DCAF6: variants seen among roughly 807,000 people sequenced by gnomAD.
DCAF6 encodes the protein DDB1- and CUL4-associated factor 6.
A neutral mutation model predicts 125.1 loss-of-function variants in DCAF6; 54 were observed. That is an observed-to-expected ratio of 0.43 (90% CI 0.35 to 0.54). The LOEUF (loss-of-function observed/expected upper bound fraction) is 0.54. Among genes scored for constraint, DCAF6 ranks in the 20% least tolerant of loss-of-function variants. The pLI is 0.01. For synonymous variants in DCAF6, 371 were observed against 390.4 expected (o/e 0.95, Z 0.58); for missense variants, 934 against 1,161.7 (o/e 0.80, Z 2.85).
At chr1:167,925,873 A>G in the DCAF6 span, among the ~76,000 whole-genome samples, 1 of 152,232 alleles carries the variant, frequency 6.6e-6, no homozygotes, top group East Asian at 1.9e-4. Context: ...GTACTTTAAA[A>G]TCATAAGTTG....
intron 11 of DCAF6, among the ~76,000 whole-genome samples, chr1:168,019,354 G>A (rs1261341941): frequency 1.3e-5 from 2 of 152,104 alleles, no homozygotes; most frequent in African/African-American, 4.8e-5. Flanking sequence ...AGCCAATAAT[G>A]TACTATCTTA....
intron 13 of DCAF6, among the ~76,000 whole-genome samples, chr1:168,041,892 GCGCACA>G (rs138674790): frequency 0.047 from 5,678 of 119,722 alleles, 296 homozygotes; most frequent in African/African-American, 0.11. Flanking sequence ...CATGTTTGTC[GCGCACA>G]CACACACACA....
chr1:167,961,641 T>C (rs935061630), intron 2 of DCAF6, among the ~76,000 whole-genome samples: 1 of 152,228 alleles, frequency 6.6e-6, no homozygotes, highest in Non-Finnish European at 1.5e-5. Context: ...TCCTTTGCTT[T>C]TCCTTCCTTT....
chr1:167,923,470 A>T, the DCAF6 span, among the ~76,000 whole-genome samples: 6 of 152,274 alleles, frequency 3.9e-5, no homozygotes, highest in Middle Eastern at 3.4e-3. Context: ...TTTTGATTCC[A>T]TTTACATGAG....
intron 16 of DCAF6, among the ~76,000 whole-genome samples, chr1:168,047,924 T>TA (rs1489512845): frequency 1.3e-5 from 2 of 152,136 alleles, no homozygotes; most frequent in African/African-American, 4.8e-5. Flanking sequence ...TGAACAACTG[T>TA]AAAAAAGTAT....
Position 168,043,141 on chromosome 1 carries a change from G to A in DCAF6, c.1843+1G>A. The A allele has an allele frequency of 6.2e-7, 1 of 1,608,070 alleles. No individual in the cohort carries two copies. Among genetic ancestry groups the A allele is most frequent in the Non-Finnish European group, 8.5e-7 (1 of 1,175,508 alleles). On this transcript the variant is annotated splice_donor_variant, in intron 14 of 21. Transcript: ENST00000367840. LOFTEE classifies it high-confidence loss of function. ...CCACCAGAAGGAGACAGTGAAACAA[G>A]TAAGGTGTTATTTTGCTTTTGTTGT...
chr1:168,045,137 C>G lies in DCAF6; in HGVS notation c.2168C>G (p.Thr723Ser). The G allele has an allele frequency of 6.2e-7, 1 of 1,613,994 alleles. No homozygotes were observed. The highest frequency in any genetic ancestry group is 8.5e-7 in the Non-Finnish European group (1 of 1,179,930). Residue 723 changes from threonine to serine, a missense_variant, in exon 16 of 22, where the codon ACC (threonine) becomes AGC (serine). Thr to Ser is a moderately conservative substitution (Grantham distance 58). Around this residue, in one of 5 missense-constraint regions of DCAF6, gnomAD observed 559 missense variants for 635.5 expected, o/e 0.88. Coordinates refer to ENST00000367840, the MANE Select transcript of DCAF6 (RefSeq NM_001198956.2). ...TGPSAHEETS[T>S]RDSALQDTDD... ...CCTTCAGCTCATGAAGAAACATCCA[C>G]CAGGGACTCTGCTCTTCAGGACACA...
chr1:168,009,391 CTTTCTTT>C, intron 10 of DCAF6, among the ~76,000 whole-genome samples: 1 of 136,962 alleles, frequency 7.3e-6, no homozygotes, highest in East Asian at 2.4e-4. Flanking sequence ...TCCTTCCTTT[CTTTCTTT>C]CTTTCTCTCT....
At chr1:167,998,355 C>T (rs938671002) in intron 7 of DCAF6, among the ~76,000 whole-genome samples, 1 of 152,074 alleles carries the variant, frequency 6.6e-6, no homozygotes, top group Non-Finnish European at 1.5e-5. Context: ...AGGGGCTTAC[C>T]TTAATGTTGA....
At chr1:168,049,980 A>C (rs1361946099) in intron 16 of DCAF6, among the ~76,000 whole-genome samples, 1 of 148,842 alleles carries the variant, frequency 6.7e-6, no homozygotes. Flanking sequence ...TTTTTTTACA[A>C]TGCCAAATCT....
intron 7 of DCAF6, among the ~76,000 whole-genome samples, chr1:167,995,975 CTT>C (rs1396369402): frequency 6.6e-6 from 1 of 152,070 alleles, no homozygotes; most frequent in Non-Finnish European, 1.5e-5. Flanking sequence ...ATATGTAAAA[CTT>C]AATATAGAAT....
chr1:168,037,780 A>T (rs549842322), intron 12 of DCAF6, among the ~76,000 whole-genome samples: 1 of 152,362 alleles, frequency 6.6e-6, no homozygotes, highest in South Asian at 2.1e-4. Flanking sequence ...ATATACCAAA[A>T]TATAACAAAG....
the DCAF6 span, among the ~76,000 whole-genome samples, chr1:167,891,779 C>T: frequency 6.6e-6 from 1 of 151,974 alleles, no homozygotes; most frequent in East Asian, 1.9e-4. Context: ...ACTTTCTCCC[C>T]GAAATAGCAC....
At chr1:167,977,213 T>G (rs1475080695) in intron 4 of DCAF6, among the ~76,000 whole-genome samples, 9 of 151,136 alleles carry the variant, frequency 6.0e-5, no homozygotes, top group Non-Finnish European at 7.4e-5. Context: ...CCACAGTTTT[T>G]TTTTTTTTTT....
chr1:167,896,774 G>C, the DCAF6 span: 1 of 977,804 alleles, frequency 1.0e-6, no homozygotes, highest in Non-Finnish European at 1.6e-6. Flanking sequence ...CAGAAAGAGA[G>C]TATGCTTTTG....
chr1:167,887,464 A>G, the DCAF6 span, among the ~76,000 whole-genome samples: 1 of 152,140 alleles, frequency 6.6e-6, no homozygotes, highest in Non-Finnish European at 1.5e-5. Flanking sequence ...CAAACACCAC[A>G]TGTTCTCACT....
chr1:167,958,283 T>C (rs1675066146), intron 2 of DCAF6, among the ~76,000 whole-genome samples: 1 of 152,084 alleles, frequency 6.6e-6, no homozygotes, highest in South Asian at 2.1e-4. Flanking sequence ...TGTTTAGATA[T>C]TTGATCTATT....
At chr1:167,883,023 C>T in the DCAF6 span, among the ~76,000 whole-genome samples, 1 of 152,132 alleles carries the variant, frequency 6.6e-6, no homozygotes, top group Non-Finnish European at 1.5e-5. Context: ...CAAAGACTGG[C>T]CTTCTAGGTT....
At chr1:167,995,299 G>C (rs572098071) in intron 7 of DCAF6, among the ~76,000 whole-genome samples, 1 of 152,288 alleles carries the variant, frequency 6.6e-6, no homozygotes, top group South Asian at 2.1e-4. Context: ...GCTGAGTCAT[G>C]AACATTTTTT....
Sources: allele counts gnomAD v4.1 joint callset (sites outside exome capture counted in the v4.1 genomes callset), GRCh38; gene constraint gnomAD v4.1.1; regional missense constraint gnomAD v4.1.1; transcripts MANE v1.5; gene names NCBI Gene and HGNC (gene_info 2026-07-23, HGNC 2026-07-21).